The following ITGA9 variants were observed in gnomAD, a reference collection of about 807,000 sequenced individuals.
ITGA9 encodes the protein integrin subunit alpha 9.
Under a neutral mutation model 127.8 loss-of-function variants are expected in ITGA9, and 56 were observed. The ratio of observed to expected loss-of-function variants is 0.44; its 90% CI spans 0.35 to 0.55. ITGA9 has a LOEUF of 0.55. ITGA9 is among the 20% of genes least tolerant of loss of function. ITGA9 has a pLI of 0.00. For synonymous variants in ITGA9, 508 were observed against 514.5 expected, an observed-to-expected ratio of 0.99 and a Z score of 0.17; for missense variants, 1,196 against 1,347.1, an observed-to-expected ratio of 0.89 and a Z score of 1.76.
chr3:37,774,281 A>G (rs1039194788), intron 23 of ITGA9, among the ~76,000 whole-genome samples: 2 of 152,228 alleles, frequency 1.3e-5, no homozygotes, highest in African/African-American at 4.8e-5. Context: ...CCAAATCTTC[A>G]TTAAAGCTCA....
chr3:37,473,464 A>G lies in ITGA9; in HGVS notation c.420+4A>G, dbSNP rs760823699. On this transcript the variant is annotated splice_donor_region_variant and intron_variant, in intron 3 of 27. Transcript: ENST00000264741. The stretch of plus-strand genomic sequence containing the variant: ...CAAGGCTGATGGCCGTGTGTTGGTA[A>G]GTCCCTCCTGGGGGTGCTGTGGGAA... 1.1e-5 allele frequency: 18 copies of G among 1,609,716 alleles called. No individual in the cohort carries two copies. In the African/African-American group the frequency reaches 1.7e-4, roughly 16 times the overall value.
At chr3:37,650,416 A>G (rs942383418) in intron 16 of ITGA9, among the ~76,000 whole-genome samples, 1 of 151,962 alleles carries the variant, frequency 6.6e-6, no homozygotes, top group Non-Finnish European at 1.5e-5. Context: ...TCCTTATTTC[A>G]CCATCCATTA....
chr3:37,510,661 C>T (rs1033167973), intron 8 of ITGA9, among the ~76,000 whole-genome samples: 4 of 152,292 alleles, frequency 2.6e-5, no homozygotes, highest in African/African-American at 7.2e-5. Context: ...TGAATGTCTG[C>T]TTGGATGTCC....
At chr3:37,491,125 C>T (rs1387404495) in intron 4 of ITGA9, among the ~76,000 whole-genome samples, 1 of 151,964 alleles carries the variant, frequency 6.6e-6, no homozygotes, top group East Asian at 1.9e-4. Context: ...TACAGGTGTG[C>T]ACCACCGCAT....
At chr3:37,464,034 G>T (rs780842012) in intron 1 of ITGA9, among the ~76,000 whole-genome samples, 2 of 152,002 alleles carry the variant, frequency 1.3e-5, no homozygotes, top group Non-Finnish European at 2.9e-5. Flanking sequence ...ATTATCTTTG[G>T]ATACAAGGAT....
chr3:37,637,139 C>T (rs1445308805), intron 16 of ITGA9, among the ~76,000 whole-genome samples: 3 of 151,850 alleles, frequency 2.0e-5, no homozygotes, highest in South Asian at 2.1e-4. Context: ...TCCATATGAA[C>T]TTGAAAGTAG....
At chr3:37,508,720 C>G (rs896385225) in intron 8 of ITGA9, 93 bp downstream of exon 8, 31 of 932,774 alleles carry the variant, frequency 3.3e-5, no homozygotes, top group Non-Finnish European at 5.3e-5. Flanking sequence ...GAAGGCCCTA[C>G]CTGTGCCCTG....
At chr3:37,582,050 C>G (rs552091873) in intron 15 of ITGA9, among the ~76,000 whole-genome samples, 1 of 152,114 alleles carries the variant, frequency 6.6e-6, no homozygotes, top group African/African-American at 2.4e-5. Context: ...ATTCAGACTA[C>G]GACAGCAATT....
chr3:37,803,853 C>A lies in ITGA9; in HGVS notation c.2920C>A (p.Pro974Thr). The part of the protein sequence containing the change: ...VVFEALHNLE[P>T]RGYVVGWIIA... ...CTTCGAGGCCCTGCACAATCTGGAGCCCCGTGGCTACGTCGTGGGGTGGAT... is the reference window on the plus strand; with the variant it reads ...CTTCGAGGCCCTGCACAATCTGGAGACCCGTGGCTACGTCGTGGGGTGGAT... The change falls in exon 27 of 28, where the codon CCC becomes ACC. Residue 974 changes from proline (P) to threonine (T), a missense_variant. Transcript: ENST00000264741. The A allele has an allele frequency of 6.2e-7, 1 of 1,614,154 alleles. No individual in the cohort carries two copies. Among genetic ancestry groups the A allele is most frequent in the Non-Finnish European group, 8.5e-7 (1 of 1,180,028 alleles).
At chr3:37,540,890 G>C (rs928203872) in intron 14 of ITGA9, among the ~76,000 whole-genome samples, 5 of 152,192 alleles carry the variant, frequency 3.3e-5, no homozygotes, top group Non-Finnish European at 7.3e-5. Flanking sequence ...TGGTGACACA[G>C]CCTTGCCTTG....
intron 23 of ITGA9, among the ~76,000 whole-genome samples, chr3:37,759,077 C>CACA (rs1696691944): frequency 6.8e-6 from 1 of 146,090 alleles, no homozygotes; most frequent in Non-Finnish European, 1.5e-5. Context: ...ATATATATAC[C>CACA]CACACACACA....
intron 15 of ITGA9, among the ~76,000 whole-genome samples, chr3:37,628,378 C>T (rs982478023): frequency 2.6e-5 from 4 of 152,168 alleles, no homozygotes; most frequent in Admixed American, 6.5e-5. Context: ...GAGGCAGTGA[C>T]GCTGTGTGCA....
intron 18 of ITGA9, among the ~76,000 whole-genome samples, chr3:37,725,413 G>A (rs1288996606): frequency 6.6e-6 from 1 of 152,190 alleles, no homozygotes; most frequent in African/African-American, 2.4e-5. Context: ...CTGTTCAAAT[G>A]ACAGGCCTTT....
At chr3:37,718,185 T>G (rs1701154161) in intron 18 of ITGA9, among the ~76,000 whole-genome samples, 1 of 152,254 alleles carries the variant, frequency 6.6e-6, no homozygotes, top group Non-Finnish European at 1.5e-5. Flanking sequence ...GAATGTAAGA[T>G]GTAACAGAAA....
chr3:37,517,434 A>T, intron 9 of ITGA9, 70 bp from the exon 10 acceptor site: 1 of 1,220,024 alleles, frequency 8.2e-7, no homozygotes, highest in Non-Finnish European at 1.2e-6. Flanking sequence ...CTGGTTTTTT[A>T]TTGATTTTTA....
intron 15 of ITGA9, among the ~76,000 whole-genome samples, chr3:37,552,247 C>T (rs887578302): frequency 1.3e-5 from 2 of 152,136 alleles, no homozygotes; most frequent in African/African-American, 4.8e-5. Flanking sequence ...GACTGTCACA[C>T]TTATTCCTCT....
At chr3:37,468,412 A>G (rs1334263373) in intron 1 of ITGA9, among the ~76,000 whole-genome samples, 1 of 152,050 alleles carries the variant, frequency 6.6e-6, no homozygotes, top group Non-Finnish European at 1.5e-5. Flanking sequence ...TTAAGATGGG[A>G]CCCACACACA....
At chr3:37,500,391 C>T (rs976871950) in intron 5 of ITGA9, among the ~76,000 whole-genome samples, 1 of 152,160 alleles carries the variant, frequency 6.6e-6, no homozygotes, top group East Asian at 1.9e-4. Context: ...AAATGAAGTG[C>T]TCATCAACAG....
rs577860345 is a variant in ITGA9, at chr3:37,672,512, C to T, written c.1917-11353C>T. Among the ~76,000 whole-genome samples, 3 of 152,326 alleles carry T rather than the reference C, an allele frequency of 2.0e-5. No individual in the cohort carries two copies. In the East Asian group the frequency reaches 5.8e-4, roughly 29 times the overall value. On this transcript the variant is annotated intron_variant, in intron 17 of 27. Coordinates refer to ENST00000264741, the MANE Select transcript of ITGA9 (RefSeq NM_002207.3). ...TTAAACCTCTTTCCTTTATAAATTACCCAGTCTCAAGTATATCTTTATTAG... is the reference window on the plus strand; with the variant it reads ...TTAAACCTCTTTCCTTTATAAATTATCCAGTCTCAAGTATATCTTTATTAG...
Sources: allele counts gnomAD v4.1 joint callset (sites outside exome capture counted in the v4.1 genomes callset), GRCh38; gene constraint gnomAD v4.1.1; transcripts MANE v1.5; gene names NCBI Gene and HGNC (gene_info 2026-07-23, HGNC 2026-07-21).